Variants in STXBP5L observed in about 807,000 individuals in gnomAD.
The protein encoded by STXBP5L is syntaxin-binding protein 5-like.
STXBP5L carries 65 observed loss-of-function variants against 144.5 expected under a neutral mutation model. The ratio of observed to expected loss-of-function variants is 0.45; its 90% CI spans 0.37 to 0.55. The LOEUF (loss-of-function observed/expected upper bound fraction) is 0.55. Ranked by LOEUF, STXBP5L falls within the 20% of genes least tolerant of loss-of-function variation. The probability of loss-of-function intolerance (pLI) is 0.00; values close to 1 mark genes in which losing one functional copy is unlikely to be tolerated. For missense variants in STXBP5L, 1,298 were observed against 1,405.5 expected, an observed-to-expected ratio of 0.92 and a Z score of 1.22; for synonymous variants, 505 against 469.6, an observed-to-expected ratio of 1.08 and a Z score of -0.97.
chr3:121,088,080 A>T (rs2042588111), intron 5 of STXBP5L, among the ~76,000 whole-genome samples: 1 of 152,162 alleles, frequency 6.6e-6, no homozygotes, highest in Non-Finnish European at 1.5e-5. Context: ...CAAAAGCCAA[A>T]ATTGACAAAT....
At chr3:121,035,292 A>T (rs1228588091) in intron 3 of STXBP5L, among the ~76,000 whole-genome samples, 1 of 152,162 alleles carries the variant, frequency 6.6e-6, no homozygotes, top group Non-Finnish European at 1.5e-5. Context: ...GCCTAGGCCA[A>T]TGTCCAGAAG....
intron 20 of STXBP5L, among the ~76,000 whole-genome samples, chr3:121,336,315 G>C (rs2044503301): frequency 6.6e-6 from 1 of 152,072 alleles, no homozygotes. Flanking sequence ...TAGGAAACAT[G>C]ACAAAACCTC....
At chr3:121,068,957 T>G (rs1413494981) in intron 5 of STXBP5L, among the ~76,000 whole-genome samples, 1 of 152,118 alleles carries the variant, frequency 6.6e-6, no homozygotes, top group African/African-American at 2.4e-5. Context: ...AGTACAGAGG[T>G]TTTATGTTCA....
rs200042162 is a variant in STXBP5L, at chr3:120,978,414, C to T, written c.287+23377C>T. Among the ~76,000 whole-genome samples, 5 of 152,324 alleles carry T rather than the reference C, an allele frequency of 3.3e-5. No homozygotes were observed. In the East Asian group the frequency reaches 9.6e-4, roughly 29 times the overall value. On this transcript the variant is annotated intron_variant, in intron 3 of 26. Transcript: ENST00000471454. Reference sequence around the variant, plus strand: ...GCTCCATCAGCTCCTTTAAGCACTTCTCTGTATTGGTTATTCTAGTTATAC... The same window carrying T: ...GCTCCATCAGCTCCTTTAAGCACTTTTCTGTATTGGTTATTCTAGTTATAC...
Position 121,216,408 on chromosome 3 carries a change from G to C in STXBP5L, c.957-6595G>C, listed in dbSNP as rs113457766. Among the ~76,000 whole-genome samples the C allele has an allele frequency of 2.5e-3, 380 of 152,262 alleles. 2 individuals carry two copies. The highest frequency in any genetic ancestry group is 8.6e-3 in the African/African-American group (357 of 41,546). On this transcript the variant is annotated intron_variant, in intron 10 of 26. Transcript: ENST00000471454. ...GTTGATGTTGATGCTATTCCTTTCT[G>C]TTTGTCAGTTTTCCTTCTAACAGTC...
At chr3:120,981,958 C>T (rs1941819514) in intron 3 of STXBP5L, among the ~76,000 whole-genome samples, 1 of 152,094 alleles carries the variant, frequency 6.6e-6, no homozygotes, top group East Asian at 1.9e-4. Context: ...TATAGATAGC[C>T]TTTGTGCAGT....
intron 5 of STXBP5L, among the ~76,000 whole-genome samples, chr3:121,074,345 G>A (rs114287664): frequency 5.9e-5 from 9 of 152,300 alleles, no homozygotes; most frequent in Non-Finnish European, 1.0e-4. Flanking sequence ...CTTTATTTAT[G>A]GCCCGCAAAT....
At position 121,293,030 on chromosome 3, in the gene STXBP5L, G is replaced by A. The variant is rs959086078; in HGVS notation, c.2110+13074G>A. Among the ~76,000 whole-genome samples, 8 of 150,460 alleles carry A rather than the reference G, an allele frequency of 5.3e-5. 1 individual carries two copies. In the South Asian group the frequency reaches 6.3e-4, roughly 12 times the overall value. The stretch of plus-strand genomic sequence containing the variant: ...TTGTTACCTAAAAACCTATTAAAAC[G>A]AAAAAAAAATTTTAAATTTTAAACA... On this transcript the variant is annotated intron_variant, in intron 19 of 26. Transcript: ENST00000471454.
chr3:121,159,501 T>G (rs2046237860), intron 9 of STXBP5L, among the ~76,000 whole-genome samples: 1 of 152,174 alleles, frequency 6.6e-6, no homozygotes, highest in Non-Finnish European at 1.5e-5. Flanking sequence ...TTATGATGGA[T>G]TTTAAAATTG....
chr3:121,043,256 C>G (rs920487119), intron 4 of STXBP5L, among the ~76,000 whole-genome samples: 19 of 152,012 alleles, frequency 1.2e-4, no homozygotes, highest in Non-Finnish European at 2.4e-4. Context: ...TTTCACAGAT[C>G]TTTATAGTGC....
At chr3:121,056,179 G>T (rs969657396) in intron 5 of STXBP5L, among the ~76,000 whole-genome samples, 2 of 151,942 alleles carry the variant, frequency 1.3e-5, no homozygotes, top group African/African-American at 4.8e-5. Flanking sequence ...CCTAAATAGG[G>T]AAGAAAAAAT....
intron 11 of STXBP5L, among the ~76,000 whole-genome samples, chr3:121,229,878 A>G (rs1053312902): frequency 1.9e-4 from 29 of 152,150 alleles, no homozygotes; most frequent in African/African-American, 7.0e-4. Flanking sequence ...AATTGTCAGA[A>G]AAACGTGTTT....
intron 12 of STXBP5L, among the ~76,000 whole-genome samples, chr3:121,236,922 TA>T (rs2049502285): frequency 6.6e-6 from 1 of 152,240 alleles, no homozygotes; most frequent in Non-Finnish European, 1.5e-5. Context: ...AAGTCTCATG[TA>T]GCTTTAAAAC....
chr3:121,176,969 T>C lies in STXBP5L; in HGVS notation c.877+19342T>C, dbSNP rs181686603. Among the ~76,000 whole-genome samples the C allele has an allele frequency of 2.0e-4, 31 of 152,174 alleles. No individual in the cohort carries two copies. In the East Asian group the frequency reaches 5.8e-3, roughly 28 times the overall value. ...TTTTTGTAAATAAAAACTCTGAATC[T>C]GTATATTTGAAAGACCTACTTTGTG... On this transcript the variant is annotated intron_variant, in intron 9 of 26. Transcript: ENST00000471454.
At chr3:121,059,410 G>T (rs1320770196) in intron 5 of STXBP5L, among the ~76,000 whole-genome samples, 2 of 152,166 alleles carry the variant, frequency 1.3e-5, no homozygotes, top group Non-Finnish European at 2.9e-5. Context: ...GTAGCATGGT[G>T]CCTCCAGCTT....
chr3:121,063,467 A>G (rs2041386027), intron 5 of STXBP5L, among the ~76,000 whole-genome samples: 1 of 152,200 alleles, frequency 6.6e-6, no homozygotes, highest in African/African-American at 2.4e-5. Context: ...GTCAGGAGTT[A>G]TGGGGGTTAG....
At chr3:121,283,486 T>G (rs2051128553) in intron 19 of STXBP5L, among the ~76,000 whole-genome samples, 1 of 152,062 alleles carries the variant, frequency 6.6e-6, no homozygotes, top group Admixed American at 6.6e-5. Flanking sequence ...TGGCTTCTGC[T>G]GCTCCTAAAA....
chr3:121,303,849 A>G (rs1252241984), intron 19 of STXBP5L, among the ~76,000 whole-genome samples: 1 of 151,818 alleles, frequency 6.6e-6, no homozygotes, highest in South Asian at 2.1e-4. Context: ...GGACACAGGA[A>G]GGGGAACATC....
intron 22 of STXBP5L, among the ~76,000 whole-genome samples, chr3:121,386,383 G>T (rs2046426049): frequency 1.3e-5 from 2 of 151,958 alleles, no homozygotes; most frequent in African/African-American, 4.8e-5. Context: ...TTGCTGCAAA[G>T]GGCAATAATT....
Sources: allele counts gnomAD v4.1 joint callset (sites outside exome capture counted in the v4.1 genomes callset), GRCh38; gene constraint gnomAD v4.1.1; transcripts MANE v1.5; gene names NCBI Gene and HGNC (gene_info 2026-07-23, HGNC 2026-07-21).